KALRN: variants seen among roughly 807,000 people sequenced by gnomAD.
KALRN encodes kalirin RhoGEF kinase, also known as kalirin.
Under a neutral mutation model 353.7 loss-of-function variants are expected in KALRN, and 70 were observed. The observed-to-expected ratio is 0.20, with a 90% CI of 0.16 to 0.24. The LOEUF (loss-of-function observed/expected upper bound fraction) is 0.24, where lower values mean the gene tolerates loss of function less well. Among genes scored for constraint, KALRN ranks in the 10% least tolerant of loss-of-function variants. The pLI is 1.00. For synonymous variants in KALRN, 1,391 were observed against 1,434.8 expected, an observed-to-expected ratio of 0.97 and a Z score of 0.69; for missense variants, 2,791 against 3,756.7, an observed-to-expected ratio of 0.74 and a Z score of 6.72.
At chr3:124,694,968 T>G (rs2061984157) in intron 53 of KALRN, among the ~76,000 whole-genome samples, 1 of 152,204 alleles carries the variant, frequency 6.6e-6, no homozygotes, top group Non-Finnish European at 1.5e-5. Flanking sequence ...AATCTCTAAG[T>G]CAGAAGATTT....
intron 37 of KALRN, among the ~76,000 whole-genome samples, chr3:124,644,275 A>G (rs1454660303): frequency 6.6e-6 from 1 of 152,166 alleles, no homozygotes; most frequent in Non-Finnish European, 1.5e-5. Context: ...TATTTCACTC[A>G]GCATCATGTC....
At chr3:124,438,524 C>A (rs2093557402) in intron 17 of KALRN, among the ~76,000 whole-genome samples, 1 of 152,036 alleles carries the variant, frequency 6.6e-6, no homozygotes, top group Non-Finnish European at 1.5e-5. Context: ...AGTATCTTCT[C>A]CAAACCTCAT....
chr3:124,173,518 G>C (rs1046251488), intron 1 of KALRN, among the ~76,000 whole-genome samples: 1 of 152,218 alleles, frequency 6.6e-6, no homozygotes, highest in Non-Finnish European at 1.5e-5. Flanking sequence ...TTGTATTGAA[G>C]TTTCCTCTAC....
rs1410078329 is a variant in KALRN, at chr3:124,602,354, C to T, written c.5183-30066C>T. Among the ~76,000 whole-genome samples, 3 of 152,028 alleles carry T rather than the reference C, an allele frequency of 2.0e-5. No homozygotes were observed. The East Asian group carries it at 5.8e-4, about 29-fold the overall frequency. On this transcript the variant is annotated intron_variant, in intron 34 of 59. Coordinates refer to ENST00000682506, the MANE Select transcript of KALRN (RefSeq NM_001388419.1). ...ATATTTCTCTTATTGTCGGACCTAC[C>T]CTGGGAGTGGAGACTCAGCAAGGAC...
intron 1 of KALRN, among the ~76,000 whole-genome samples, chr3:124,058,630 C>T (rs2041757471): frequency 6.6e-6 from 1 of 152,192 alleles, no homozygotes; most frequent in South Asian, 2.1e-4. Flanking sequence ...TGGCTTGGCT[C>T]AGCATGGCAG....
At chr3:124,216,293 T>C (rs2077328098) in intron 1 of KALRN, among the ~76,000 whole-genome samples, 1 of 152,202 alleles carries the variant, frequency 6.6e-6, no homozygotes, top group South Asian at 2.1e-4. Flanking sequence ...TAAAGTGTGC[T>C]GTGAGGGAGG....
At chr3:124,643,273 A>G (rs548571801) in intron 37 of KALRN, among the ~76,000 whole-genome samples, 1 of 152,322 alleles carries the variant, frequency 6.6e-6, no homozygotes, top group East Asian at 1.9e-4. Context: ...ATGGCCTCCC[A>G]AAGTGCCAGG....
At chr3:124,501,333 G>A (rs559066193) in intron 33 of KALRN, among the ~76,000 whole-genome samples, 12 of 152,210 alleles carry the variant, frequency 7.9e-5, no homozygotes, top group Non-Finnish European at 1.0e-4. Context: ...GCTGATAATG[G>A]TGATATGCCA....
intron 33 of KALRN, among the ~76,000 whole-genome samples, chr3:124,517,772 A>G (rs1358614940): frequency 1.3e-5 from 2 of 152,326 alleles, no homozygotes; most frequent in Admixed American, 6.5e-5. Flanking sequence ...GTCACCTGTC[A>G]TGGTCCCTGG....
At chr3:124,718,695 A>C (rs544295071) in intron 59 of KALRN, among the ~76,000 whole-genome samples, 3 of 152,216 alleles carry the variant, frequency 2.0e-5, no homozygotes, top group African/African-American at 7.2e-5. Flanking sequence ...CATGATTTTC[A>C]ATGTCAAACA....
intron 33 of KALRN, among the ~76,000 whole-genome samples, chr3:124,550,823 A>T (rs2070419023): frequency 6.6e-6 from 1 of 152,018 alleles, no homozygotes. Flanking sequence ...CCCCGTCTGT[A>T]CTAAAAATAC....
At chr3:124,263,157 T>C (rs1205062542) in intron 3 of KALRN, among the ~76,000 whole-genome samples, 2 of 152,228 alleles carry the variant, frequency 1.3e-5, no homozygotes, top group Admixed American at 6.5e-5. Context: ...CTAAGTTATA[T>C]AGCAACATCT....
At chr3:124,500,431 G>T (rs1240239672) in intron 33 of KALRN, among the ~76,000 whole-genome samples, 1 of 152,204 alleles carries the variant, frequency 6.6e-6, no homozygotes, top group Non-Finnish European at 1.5e-5. Context: ...CTCACATAGG[G>T]TCTGTAACTT....
chr3:124,286,139 C>CTTT lies in KALRN; in HGVS notation c.970-12652_970-12651insTTT, dbSNP rs1553894155. Among the ~76,000 whole-genome samples, 161 of 41,640 alleles carry CTTT rather than the reference C, an allele frequency of 3.9e-3. 2 individuals are homozygous for CTTT. In the East Asian group the frequency reaches 0.049, roughly 13 times the overall value. 27.3% of individuals were successfully genotyped at this position (41,640 alleles called of 152,430 possible). A position where few individuals can be genotyped will look rare whatever the true frequency, so the allele number is the denominator to read the frequency against. On this transcript the variant is annotated intron_variant, in intron 5 of 59. Coordinates refer to ENST00000682506, the MANE Select transcript of KALRN (RefSeq NM_001388419.1). Reference sequence around the variant, plus strand: ...TCTTTCTTTCTTTCTTTCTTTCTTTCCTTTCTTTCTTTCCTTTCTTTCGTC... The same window carrying CTTT: ...TCTTTCTTTCTTTCTTTCTTTCTTTCTTTCTTTCTTTCTTTCCTTTCTTTCGTC...
intron 33 of KALRN, among the ~76,000 whole-genome samples, chr3:124,540,485 G>A (rs562848513): frequency 1.3e-5 from 2 of 152,320 alleles, no homozygotes; most frequent in African/African-American, 4.8e-5. Flanking sequence ...TAGGTGTAAG[G>A]TGAAGGGCTA....
intron 26 of KALRN, among the ~76,000 whole-genome samples, chr3:124,476,423 T>C (rs1173197387): frequency 1.3e-5 from 2 of 151,872 alleles, no homozygotes; most frequent in African/African-American, 2.4e-5. Context: ...AGTTAATACA[T>C]GTAAAGCTCT....
chr3:124,124,115 T>C (rs4678087), intron 1 of KALRN, among the ~76,000 whole-genome samples: 57,436 of 152,074 alleles, frequency 0.38, 11,256 homozygotes, highest in East Asian at 0.48. Flanking sequence ...TACATCTAGG[T>C]AAAGTAAATT....
rs1465968614 is a variant in KALRN at position 124,265,295 on chromosome 3, A to ATTTTTTTTTTTTTTT, written c.456+607_456+608insTTTTTTTTTTTTTTT. ...TATCTAGTAACTAATTTAAGAAAAT[A>ATTTTTTTTTTTTTTT]TTCTTTTTTTTTTTTTTGAGATAGA... On this transcript the variant is annotated intron_variant, in intron 4 of 59. Coordinates refer to ENST00000682506, the MANE Select transcript of KALRN (RefSeq NM_001388419.1). 1.3e-3 allele frequency among the ~76,000 whole-genome samples: 80 copies of ATTTTTTTTTTTTTTT among 61,056 alleles called. 1 individual carries two copies. The highest frequency in any genetic ancestry group is 2.3e-3 in the South Asian group (4 of 1,748). 40.1% of individuals were successfully genotyped at this position (61,056 alleles called of 152,430 possible). A position where few individuals can be genotyped will look rare whatever the true frequency, so the allele number is the denominator to read the frequency against.
chr3:124,564,204 C>CAAA (rs58917238), intron 34 of KALRN, among the ~76,000 whole-genome samples: 5 of 73,930 alleles, frequency 6.8e-5, no homozygotes, highest in Non-Finnish European at 7.7e-5. Flanking sequence ...AACTCCGTCT[C>CAAA]AAAAAAAAAA....
Sources: allele counts gnomAD v4.1 joint callset (sites outside exome capture counted in the v4.1 genomes callset), GRCh38; gene constraint gnomAD v4.1.1; transcripts MANE v1.5; gene names NCBI Gene and HGNC (gene_info 2026-07-23, HGNC 2026-07-21).